Variants in RAP1B observed in about 807,000 individuals in gnomAD.
RAP1B encodes the protein RAP1B, member of RAS oncogene family.
Under a neutral mutation model 27.5 loss-of-function variants are expected in RAP1B, and 1 was observed. That is an observed-to-expected ratio of 0.04 (90% confidence interval 0.01 to 0.17). RAP1B has a LOEUF of 0.17. Ranked by LOEUF, RAP1B falls within the 10% of genes least tolerant of loss-of-function variation. The pLI is 1.00. For synonymous variants in RAP1B, 75 were observed against 73.1 expected (o/e 1.03, Z -0.13); for missense variants, 84 against 214.8 (o/e 0.39, Z 3.81).
At chr12:68,656,615 A>T (rs954191734) in intron 6 of RAP1B, 166 bp downstream of exon 6, 13 of 660,148 alleles carry the variant, frequency 2.0e-5, no homozygotes, top group African/African-American at 5.6e-5. Context: ...TAAATAAACA[A>T]TACTATTTCA....
rs1385114166 is a variant in RAP1B, at chr12:68,668,279, A to T, written c.*9030A>T. ...GCAAGTTAAGACATTTTACAGTGCC[A>T]CTACCTACCTCCATACTGTATCAGA... On this transcript the variant is annotated 3_prime_UTR_variant, in exon 8 of 8. Coordinates refer to ENST00000250559, the MANE Select transcript of RAP1B (RefSeq NM_001010942.3). 2 of 152,366 alleles carry T rather than the reference A, an allele frequency of 1.3e-5. No individual in the cohort carries two copies. The highest frequency in any genetic ancestry group is 3.9e-4 in the East Asian group (2 of 5,194). The allele number at this position is 152,366 out of a possible 1,614,324, so 9.4% of individuals were successfully genotyped here. A position where few individuals can be genotyped will look rare whatever the true frequency, so the allele number is the denominator to read the frequency against.
chr12:68,662,683 T>TA lies in RAP1B; in HGVS notation c.*3435dup, dbSNP rs1237061695. The TA allele has an allele frequency of 2.0e-5, 3 of 152,182 alleles. No homozygotes were observed. The highest frequency in any genetic ancestry group is 7.2e-5 in the African/African-American group (3 of 41,452). The allele number at this position is 152,182 out of a possible 1,614,324, so 9.4% of individuals were successfully genotyped here. On this transcript the variant is annotated 3_prime_UTR_variant, in exon 8 of 8. Transcript: ENST00000250559. ...TATAGTGTTTTACAATTAATACTCT[T>TA]ACTATTACCTTAGAAGCCTTAAAAG...
intron 3 of RAP1B, 42 bp from the exon 4 acceptor site, chr12:68,651,953 G>T (rs761806024): frequency 6.6e-7 from 1 of 1,523,376 alleles, no homozygotes; most frequent in South Asian, 1.1e-5. Context: ...GTAGTTTTAT[G>T]TACATTGAAA....
chr12:68,614,515 ACT>A (rs1415800942), intron 1 of RAP1B, among the ~76,000 whole-genome samples: 1 of 152,142 alleles, frequency 6.6e-6, no homozygotes, highest in African/African-American at 2.4e-5. Context: ...TCACGTGTTC[ACT>A]CTATAGAAAA....
rs1393128292 is a variant in RAP1B at position 68,651,729 on chromosome 12, G to GA, written c.127-264dup. 5.4e-5 allele frequency: 21 copies of GA among 389,926 alleles called. No individual in the cohort carries two copies. In the South Asian group the frequency reaches 8.8e-4, roughly 16 times the overall value. 24.2% of individuals were successfully genotyped at this position (389,926 alleles called of 1,614,324 possible). On this transcript the variant is annotated intron_variant, in intron 3 of 7. Transcript: ENST00000250559. ...TTTTTTCTCTAGAATTAAGTGCTGAGAATCCATATTGAGACTGGTTCGTGT... is the reference window on the plus strand; with the variant it reads ...TTTTTTCTCTAGAATTAAGTGCTGAGAAATCCATATTGAGACTGGTTCGTGT...
At chr12:68,629,421 C>G (rs1026541181) in intron 1 of RAP1B, among the ~76,000 whole-genome samples, 2 of 152,158 alleles carry the variant, frequency 1.3e-5, no homozygotes, top group Admixed American at 6.5e-5. Context: ...TATTGGTTAA[C>G]AAAGGATTTT....
chr12:68,616,743 A>AT (rs1214770650), intron 1 of RAP1B, among the ~76,000 whole-genome samples: 1 of 151,646 alleles, frequency 6.6e-6, no homozygotes, highest in Admixed American at 6.6e-5. Context: ...CAGGTTTTGT[A>AT]TTTTTTGTAG....
chr12:68,631,128 T>G (rs1872204415), intron 1 of RAP1B, among the ~76,000 whole-genome samples: 1 of 152,298 alleles, frequency 6.6e-6, no homozygotes, highest in East Asian at 1.9e-4. Context: ...GTATCAAAAT[T>G]AATATCCTGT....
At chr12:68,611,351 C>A (rs1035892803) in intron 1 of RAP1B, among the ~76,000 whole-genome samples, 1 of 131,054 alleles carries the variant, frequency 7.6e-6, no homozygotes, top group African/African-American at 2.7e-5. Context: ...CGAGGACCCC[C>A]CCACCCGCCC....
chr12:68,623,701 G>T (rs931513288), intron 1 of RAP1B, among the ~76,000 whole-genome samples: 1 of 152,224 alleles, frequency 6.6e-6, no homozygotes, highest in Non-Finnish European at 1.5e-5. Context: ...AGTTTTCAGA[G>T]ATTTTAGGAT....
chr12:68,642,448 A>G lies in RAP1B; in HGVS notation c.-26-6251A>G, dbSNP rs545270685. 21 of 725,746 alleles carry G rather than the reference A, an allele frequency of 2.9e-5. No individual in the cohort carries two copies. In the Admixed American group the frequency reaches 3.1e-4, roughly 11 times the overall value. 45.0% of individuals were successfully genotyped at this position (725,746 alleles called of 1,614,324 possible). A position where few individuals can be genotyped will look rare whatever the true frequency, so the allele number is the denominator to read the frequency against. On this transcript the variant is annotated intron_variant, in intron 1 of 7. Transcript: ENST00000250559. ...AATTATGGTGCTATTGGTCTACTGT[A>G]TAATTATTATTTTTAATGTCCAGAA... is the stretch of plus-strand genomic sequence containing the variant.
At position 68,632,141 on chromosome 12, in the gene RAP1B, T is replaced by TG. The variant is rs1488719268; in HGVS notation, c.-26-16558_-26-16557insG. ...GGGTTTTGGATTTGTTTTTTTTTTT[T>TG]TTTTGTTTGTTTTTTTTTTCCAGAC... On this transcript the variant is annotated intron_variant, in intron 1 of 7. Coordinates refer to ENST00000250559, the MANE Select transcript of RAP1B (RefSeq NM_001010942.3). Among the ~76,000 whole-genome samples, 137 of 135,274 alleles carry TG rather than the reference T, an allele frequency of 1.0e-3. 3 individuals carry two copies. Among genetic ancestry groups the TG allele is most frequent in the African/African-American group, 3.9e-3 (129 of 33,124 alleles). 88.7% of individuals were successfully genotyped at this position (135,274 alleles called of 152,430 possible).
At chr12:68,633,591 C>A (rs2135937775) in intron 1 of RAP1B, among the ~76,000 whole-genome samples, 1 of 152,296 alleles carries the variant, frequency 6.6e-6, no homozygotes, top group African/African-American at 2.4e-5. Flanking sequence ...AATATCTCGG[C>A]TGGGTGCGGT....
At chr12:68,647,376 CT>C (rs1203511282) in intron 1 of RAP1B, among the ~76,000 whole-genome samples, 35 of 22,278 alleles carry the variant, frequency 1.6e-3, no homozygotes, top group Non-Finnish European at 2.3e-3. Context: ...CTGCCCCCCA[CT>C]CCACTCCCCG....
At chr12:68,653,875 G>A (rs1441407809) in intron 4 of RAP1B, among the ~76,000 whole-genome samples, 1 of 151,806 alleles carries the variant, frequency 6.6e-6, no homozygotes, top group Non-Finnish European at 1.5e-5. Context: ...AGGTTGCAGT[G>A]AGCCGAGGTC....
intron 1 of RAP1B, chr12:68,626,786 T>G: frequency 2.2e-5 from 25 of 1,126,016 alleles, no homozygotes; most frequent in East Asian, 2.9e-5. Flanking sequence ...TTTTTTTTTG[T>G]TGTTTGTTTG....
Position 68,668,479 on chromosome 12 carries a change from A to G in RAP1B, c.*9230A>G, listed in dbSNP as rs747834744. 2.6e-5 allele frequency: 4 copies of G among 152,244 alleles called. No homozygotes were observed. The highest frequency in any genetic ancestry group is 5.9e-5 in the Non-Finnish European group (4 of 68,038). 9.4% of individuals were successfully genotyped at this position (152,244 alleles called of 1,614,324 possible). ...AAAGTTACAAATTCTAGTAAGCAAAAGATTTTTTGTGACCAGGTCTCCCTG... is the reference window on the plus strand; with the variant it reads ...AAAGTTACAAATTCTAGTAAGCAAAGGATTTTTTGTGACCAGGTCTCCCTG... On this transcript the variant is annotated 3_prime_UTR_variant, in exon 8 of 8. Transcript: ENST00000250559.
At chr12:68,621,548 A>C (rs1387142528) in intron 1 of RAP1B, 2 of 152,232 alleles carry the variant, frequency 1.3e-5, no homozygotes, top group Non-Finnish European at 2.9e-5. Flanking sequence ...GTTTAGATGA[A>C]AGTGATGATG....
At position 68,661,095 on chromosome 12, in the gene RAP1B, TAATATC is replaced by T. The variant is rs1202493176; in HGVS notation, c.*1847_*1852del. The T allele has an allele frequency of 6.6e-6, 1 of 152,194 alleles. No homozygotes were observed. Among genetic ancestry groups the T allele is most frequent in the Non-Finnish European group, 1.5e-5 (1 of 68,018 alleles). The allele number at this position is 152,194 out of a possible 1,614,324, so 9.4% of individuals were successfully genotyped here. The stretch of plus-strand genomic sequence containing the variant: ...AGCTACTGGAGCAATTAATCAGTGA[TAATATC>T]TAATAGAGGGGTATCTGCTAATCCC... On this transcript the variant is annotated 3_prime_UTR_variant, in exon 8 of 8. Transcript: ENST00000250559.
Sources: gnomAD v4.1 joint callset for allele counts (sites outside exome capture counted in the v4.1 genomes callset) on GRCh38, gnomAD v4.1.1 for gene constraint, MANE v1.5 for transcripts, NCBI Gene and HGNC (gene_info 2026-07-23, HGNC 2026-07-21) for gene names.